Variants in CCDC91 observed in about 807,000 individuals in gnomAD.
The protein encoded by CCDC91 is coiled-coil domain-containing protein 91.
Under a neutral mutation model 63.2 loss-of-function variants are expected in CCDC91, and 48 were observed. That is an observed-to-expected ratio of 0.76 (90% confidence interval 0.60 to 0.97). The LOEUF (loss-of-function observed/expected upper bound fraction) is 0.97, where lower values mean the gene tolerates loss of function less well. Ranked by LOEUF, CCDC91 falls within the 50% of genes least tolerant of loss-of-function variation. The pLI is 0.00. For missense variants in CCDC91, 500 were observed against 494.6 expected (o/e 1.01, Z -0.10); for synonymous variants, 167 against 165.8 (o/e 1.01, Z -0.06).
chr12:28,427,172 T>G lies in CCDC91; in HGVS notation c.763-22989T>G, dbSNP rs115850407. On this transcript the variant is annotated intron_variant, in intron 8 of 12. Transcript: ENST00000536442. ...CCATAACATTATGATTAAATCTCAA[T>G]GAGCCTGTGACTTTCACAAGTGTTT... 5.9e-3 allele frequency among the ~76,000 whole-genome samples: 900 copies of G among 152,264 alleles called. 9 individuals are homozygous for G. Among genetic ancestry groups the G allele is most frequent in the African/African-American group, 0.021 (874 of 41,546 alleles).
chr12:28,354,942 C>G (rs1282684032), intron 6 of CCDC91, among the ~76,000 whole-genome samples: 1 of 152,142 alleles, frequency 6.6e-6, no homozygotes, highest in Non-Finnish European at 1.5e-5. Flanking sequence ...TTGTCCCATA[C>G]AAGTAGGCAA....
chr12:28,225,017 A>G (rs916806679), intron 1 of CCDC91, among the ~76,000 whole-genome samples: 3 of 152,190 alleles, frequency 2.0e-5, no homozygotes, highest in African/African-American at 7.2e-5. Context: ...ATCTTCAAAA[A>G]TGGTGTAATT....
chr12:28,218,284 C>G lies in CCDC91; in HGVS notation c.-15+27643C>G, dbSNP rs1302333659. ...CTACTGTGATCTTTCTACTCCCATT[C>G]CTGCTAGAGGAAGGGATTTAGCACT... On this transcript the variant is annotated intron_variant, in intron 1 of 12. Coordinates refer to ENST00000536442, the MANE Select transcript of CCDC91 (RefSeq NM_018318.5). Among the ~76,000 whole-genome samples the G allele has an allele frequency of 2.0e-5, 3 of 152,076 alleles. No individual in the cohort carries two copies. The East Asian group carries it at 5.8e-4, about 29-fold the overall frequency.
chr12:28,382,614 G>T (rs972046594), intron 7 of CCDC91, among the ~76,000 whole-genome samples: 1 of 152,058 alleles, frequency 6.6e-6, no homozygotes, highest in Non-Finnish European at 1.5e-5. Context: ...AACAGAAGAG[G>T]AGTTGTAAAT....
At chr12:28,336,290 T>A (rs1389120111) in intron 6 of CCDC91, among the ~76,000 whole-genome samples, 2 of 152,114 alleles carry the variant, frequency 1.3e-5, no homozygotes, top group African/African-American at 4.8e-5. Context: ...AGGAAGAGAA[T>A]CTGATTCATA....
rs150533089 is a variant in CCDC91 at position 28,195,834 on chromosome 12, A to G, written c.-15+5193A>G. 1.7e-3 allele frequency among the ~76,000 whole-genome samples: 262 copies of G among 152,290 alleles called. 1 individual carries two copies. Among genetic ancestry groups the G allele is most frequent in the African/African-American group, 3.7e-3 (155 of 41,566 alleles). On this transcript the variant is annotated intron_variant, in intron 1 of 12. Transcript: ENST00000536442. Reference sequence around the variant, plus strand: ...AAAATACCTTTCCTGTCCCACTGCTATGGCTCATGCTTGTAATCCCAGCAC... The same window carrying G: ...AAAATACCTTTCCTGTCCCACTGCTGTGGCTCATGCTTGTAATCCCAGCAC...
intron 6 of CCDC91, among the ~76,000 whole-genome samples, chr12:28,343,039 C>G (rs1942547594): frequency 6.6e-6 from 1 of 151,696 alleles, no homozygotes; most frequent in African/African-American, 2.4e-5. Flanking sequence ...GTAGAAAATG[C>G]ATGTTTTGTG....
Position 28,290,251 on chromosome 12 carries a change from A to G in CCDC91, c.110-15398A>G, listed in dbSNP as rs183672061. 5.9e-5 allele frequency among the ~76,000 whole-genome samples: 9 copies of G among 152,274 alleles called. No homozygotes were observed. The East Asian group carries it at 1.5e-3, about 26-fold the overall frequency. On this transcript the variant is annotated intron_variant, in intron 3 of 12. Transcript: ENST00000536442. ...ATTGAATTGAGCCCTTTGCTATTAT[A>G]TAATGCTCTTACTTGTCTTTTTGGA...
At chr12:28,297,632 A>G (rs541092120) in intron 3 of CCDC91, among the ~76,000 whole-genome samples, 3 of 152,022 alleles carry the variant, frequency 2.0e-5, no homozygotes, top group African/African-American at 4.8e-5. Flanking sequence ...ACAAAATTTT[A>G]TAGATTTCTC....
intron 1 of CCDC91, among the ~76,000 whole-genome samples, chr12:28,235,888 CTT>C (rs1491353073): frequency 3.3e-5 from 5 of 151,700 alleles, no homozygotes; most frequent in Non-Finnish European, 7.4e-5. Flanking sequence ...AATATAGTGT[CTT>C]ATATCATCTG....
At chr12:28,464,668 G>C (rs956968726) in intron 11 of CCDC91, among the ~76,000 whole-genome samples, 6 of 152,142 alleles carry the variant, frequency 3.9e-5, no homozygotes, top group African/African-American at 1.4e-4. Context: ...AAGAGCCTTT[G>C]GGCCCTGAAT....
intron 11 of CCDC91, among the ~76,000 whole-genome samples, chr12:28,482,988 A>G (rs758814966): frequency 6.6e-6 from 1 of 152,010 alleles, no homozygotes; most frequent in Non-Finnish European, 1.5e-5. Flanking sequence ...AAAAAATGCT[A>G]GAGTTTAGAA....
chr12:28,427,061 GACTT>G lies in CCDC91; in HGVS notation c.763-23097_763-23094del, dbSNP rs147795717. Among the ~76,000 whole-genome samples the G allele has an allele frequency of 2.2e-3, 331 of 152,194 alleles. 2 individuals carry two copies. The highest frequency in any genetic ancestry group is 7.5e-3 in the African/African-American group (312 of 41,524). On this transcript the variant is annotated intron_variant, in intron 8 of 12. Coordinates refer to ENST00000536442, the MANE Select transcript of CCDC91 (RefSeq NM_018318.5). ...CCCTAAGAACTCCTCCTTATACAGA[GACTT>G]ACAGCTCTTTCAGCTATTATTTATT...
chr12:28,477,027 C>T (rs1375240192), intron 11 of CCDC91, among the ~76,000 whole-genome samples: 5 of 152,068 alleles, frequency 3.3e-5, no homozygotes, highest in Admixed American at 6.6e-5. Context: ...GATTCACAGT[C>T]GAATTCTACC....
chr12:28,267,179 T>C (rs1158085408), intron 3 of CCDC91, among the ~76,000 whole-genome samples: 5 of 151,904 alleles, frequency 3.3e-5, no homozygotes, highest in Admixed American at 3.3e-4. Context: ...TGCTATAGTT[T>C]TATAAATTCT....
At chr12:28,365,272 T>C (rs574403693) in intron 7 of CCDC91, among the ~76,000 whole-genome samples, 27 of 152,320 alleles carry the variant, frequency 1.8e-4, no homozygotes, top group South Asian at 1.4e-3. Flanking sequence ...AATACTAGAA[T>C]AGTTTTCACT....
chr12:28,534,874 C>T (rs535980613), intron 12 of CCDC91, among the ~76,000 whole-genome samples: 48 of 152,174 alleles, frequency 3.2e-4, no homozygotes, highest in Non-Finnish European at 6.3e-4. Flanking sequence ...TTAACCAACC[C>T]AGGCAAGGTT....
At chr12:28,260,521 C>T (rs1253504413) in intron 3 of CCDC91, among the ~76,000 whole-genome samples, 1 of 151,592 alleles carries the variant, frequency 6.6e-6, no homozygotes, top group African/African-American at 2.4e-5. Context: ...TTCATTCCTA[C>T]CCCCTTATGA....
chr12:28,449,701 T>G (rs1006971375), intron 8 of CCDC91, among the ~76,000 whole-genome samples: 1 of 152,014 alleles, frequency 6.6e-6, no homozygotes, highest in Non-Finnish European at 1.5e-5. Context: ...TTAATAAATC[T>G]TTCAATTTTT....
Sources: gnomAD v4.1 joint callset for allele counts (sites outside exome capture counted in the v4.1 genomes callset) on GRCh38, gnomAD v4.1.1 for gene constraint, MANE v1.5 for transcripts, NCBI Gene and HGNC (gene_info 2026-07-23, HGNC 2026-07-21) for gene names.